The following ANKRD6 variants were observed in gnomAD, a reference collection of about 807,000 sequenced individuals.
ANKRD6 encodes ankyrin repeat domain-containing protein 6.
ANKRD6 carries 56 observed loss-of-function variants against 82.3 expected under a neutral mutation model. The observed-to-expected ratio is 0.68, with a 90% CI of 0.55 to 0.85. ANKRD6 has a LOEUF of 0.85. Among genes scored for constraint, ANKRD6 ranks in the 40% least tolerant of loss-of-function variants. The pLI is 0.00. For synonymous variants in ANKRD6, 347 were observed against 352.1 expected, an observed-to-expected ratio of 0.99 and a Z score of 0.16; for missense variants, 852 against 907.6, an observed-to-expected ratio of 0.94 and a Z score of 0.79.
At chr6:89,622,122 C>T (rs545120468) in intron 10 of ANKRD6, 96 bp downstream of exon 10, 412 of 1,087,984 alleles carry the variant, frequency 3.8e-4, no homozygotes, top group South Asian at 9.9e-4. Flanking sequence ...GGTGGCTGCC[C>T]GGCCCTCTCT....
chr6:89,567,905 T>C (rs150234919), intron 2 of ANKRD6, among the ~76,000 whole-genome samples: 55 of 152,278 alleles, frequency 3.6e-4, no homozygotes, highest in African/African-American at 1.3e-3. Flanking sequence ...CCTCCAGTCC[T>C]CCCCAGAAAG....
intron 1 of ANKRD6, among the ~76,000 whole-genome samples, chr6:89,443,934 C>T (rs112855270): frequency 1.4e-4 from 21 of 152,340 alleles, no homozygotes; most frequent in Admixed American, 7.8e-4. Flanking sequence ...TCTGCAGCTT[C>T]GCTTCCGAAT....
In ANKRD6 at chr6:89,629,157, C is replaced by G; in HGVS notation, c.1531C>G (p.Gln511Glu). The G allele has an allele frequency of 1.2e-6, 2 of 1,613,204 alleles. No individual in the cohort carries two copies. The highest frequency in any genetic ancestry group is 1.7e-6 in the Non-Finnish European group (2 of 1,179,688). Residue 511 changes from glutamine (Q) to glutamate (E), a missense_variant, in exon 15 of 16, where the codon CAG (glutamine) becomes GAG (glutamate). By Grantham distance (29) the Gln-to-Glu change is conservative. Transcript: ENST00000339746. ...AAAAACCTGGTGCATGTTAAAGATT[C>G]AGAATCTGGAGCAGAAGCTTTCTGG... ...ELKTWCMLKI[Q>E]NLEQKLSGDS...
chr6:89,495,190 G>A (rs1371959269), intron 1 of ANKRD6, among the ~76,000 whole-genome samples: 2 of 152,190 alleles, frequency 1.3e-5, no homozygotes, highest in Non-Finnish European at 2.9e-5. Flanking sequence ...CCAAGATTGT[G>A]CCACTGCACG....
chr6:89,542,722 G>A lies in ANKRD6; in HGVS notation c.-143-24112G>A, dbSNP rs892779762. Among the ~76,000 whole-genome samples the A allele has an allele frequency of 3.3e-5, 5 of 152,168 alleles. No individual in the cohort carries two copies. In the East Asian group the frequency reaches 7.7e-4, roughly 23 times the overall value. Reference sequence around the variant, plus strand: ...GTAGGACGTTGTCTTTTAACCTCAAGACTTTTGTCTCACTGTTTGGATCAG... The same window carrying A: ...GTAGGACGTTGTCTTTTAACCTCAAAACTTTTGTCTCACTGTTTGGATCAG... On this transcript the variant is annotated intron_variant, in intron 1 of 15. Coordinates refer to ENST00000339746, the MANE Select transcript of ANKRD6 (RefSeq NM_001242809.2).
At position 89,632,915 on chromosome 6, in the gene ANKRD6, G is replaced by A. The variant is rs1304509504; in HGVS notation, c.*1911G>A. On this transcript the variant is annotated 3_prime_UTR_variant, in exon 16 of 16. Coordinates refer to ENST00000339746, the MANE Select transcript of ANKRD6 (RefSeq NM_001242809.2). Reference sequence around the variant, plus strand: ...AGAAATTAAATCCTGAGTTCAGTAGGCTGTGTTCCAAGCAGGAATTATTTT... The same window carrying A: ...AGAAATTAAATCCTGAGTTCAGTAGACTGTGTTCCAAGCAGGAATTATTTT... The A allele has an allele frequency of 6.6e-6, 1 of 152,166 alleles. No homozygotes were observed. The highest frequency in any genetic ancestry group is 1.9e-4 in the East Asian group (1 of 5,192). The allele number at this position is 152,166 out of a possible 1,614,324, so 9.4% of individuals were successfully genotyped here. A position where few individuals can be genotyped will look rare whatever the true frequency, so the allele number is the denominator to read the frequency against.
chr6:89,553,168 G>A (rs1250315029), intron 1 of ANKRD6, among the ~76,000 whole-genome samples: 2 of 152,102 alleles, frequency 1.3e-5, no homozygotes, highest in African/African-American at 4.8e-5. Context: ...AGCATCAGAT[G>A]GATATCATTT....
intron 1 of ANKRD6, among the ~76,000 whole-genome samples, chr6:89,517,914 A>G (rs1350357580): frequency 6.6e-6 from 1 of 152,114 alleles, no homozygotes; most frequent in East Asian, 1.9e-4. Flanking sequence ...TTTTTTGGAT[A>G]TACACTTCTC....
At chr6:89,549,907 T>A (rs78118074) in intron 1 of ANKRD6, among the ~76,000 whole-genome samples, 11,179 of 148,486 alleles carry the variant, frequency 0.075, 532 homozygotes, top group Middle Eastern at 0.16. Context: ...GAGACCTGTG[T>A]CTCTTTAAAA....
At chr6:89,629,572 G>T in intron 15 of ANKRD6, 1 of 334,886 alleles carries the variant, frequency 3.0e-6, no homozygotes, top group Non-Finnish European at 5.8e-6. Flanking sequence ...TCCTCAGCAG[G>T]GCTCTTCCTC....
chr6:89,541,942 AAAT>A (rs1317558483), intron 1 of ANKRD6, among the ~76,000 whole-genome samples: 1 of 151,884 alleles, frequency 6.6e-6, no homozygotes, highest in African/African-American at 2.4e-5. Flanking sequence ...CACCTTCGAT[AAAT>A]AATGTGTATA....
At chr6:89,582,608 T>C in intron 2 of ANKRD6, among the ~76,000 whole-genome samples, 1 of 152,170 alleles carries the variant, frequency 6.6e-6, no homozygotes, top group South Asian at 2.1e-4. Flanking sequence ...ACTGTAACTT[T>C]GTACCCATTA....
Position 89,468,724 on chromosome 6 carries a change from C to A in ANKRD6, c.-144+35349C>A, listed in dbSNP as rs910973559. On this transcript the variant is annotated intron_variant, in intron 1 of 15. Coordinates refer to ENST00000339746, the MANE Select transcript of ANKRD6 (RefSeq NM_001242809.2). ...CTGCGGATAGCCCTTTTCTAGCTAA[C>A]CTTTTGTATTTCCCTGGCCCGTAAT... Among the ~76,000 whole-genome samples the A allele has an allele frequency of 3.9e-5, 6 of 151,944 alleles. No individual in the cohort carries two copies. In the East Asian group the frequency reaches 1.2e-3, roughly 29 times the overall value.
intron 15 of ANKRD6, among the ~76,000 whole-genome samples, chr6:89,629,831 TACC>T (rs1806955907): frequency 6.6e-6 from 1 of 152,216 alleles, no homozygotes; most frequent in Non-Finnish European, 1.5e-5. Flanking sequence ...TGCTTTGTGT[TACC>T]ACAGGCCATC....
intron 1 of ANKRD6, among the ~76,000 whole-genome samples, chr6:89,566,475 C>T (rs1211566381): frequency 6.6e-6 from 1 of 152,236 alleles, no homozygotes; most frequent in Non-Finnish European, 1.5e-5. Flanking sequence ...GATGATCACA[C>T]ACGGTACAGT....
At position 89,499,662 on chromosome 6, in the gene ANKRD6, A is replaced by G. The variant is rs114993248; in HGVS notation, c.-144+66287A>G. On this transcript the variant is annotated intron_variant, in intron 1 of 15. Coordinates refer to ENST00000339746, the MANE Select transcript of ANKRD6 (RefSeq NM_001242809.2). Reference sequence around the variant, plus strand: ...TACCACAAATGTTCCTGTTCACAATACCAGTTCATAATGCATGGTAAGAAA... The same window carrying G: ...TACCACAAATGTTCCTGTTCACAATGCCAGTTCATAATGCATGGTAAGAAA... 2.8e-3 allele frequency among the ~76,000 whole-genome samples: 422 copies of G among 152,196 alleles called. 2 individuals carry two copies. The highest frequency in any genetic ancestry group is 9.8e-3 in the African/African-American group (406 of 41,514).
Position 89,453,580 on chromosome 6 carries a change from A to G in ANKRD6, c.-144+20205A>G, listed in dbSNP as rs180957757. The stretch of plus-strand genomic sequence containing the variant: ...GCTTTCAATGTTGGGAAGTGCCTCC[A>G]ACAATTCCTTTTTTTTTGAGATGGA... On this transcript the variant is annotated intron_variant, in intron 1 of 15. Transcript: ENST00000339746. 2.1e-3 allele frequency among the ~76,000 whole-genome samples: 314 copies of G among 151,844 alleles called. 2 individuals carry two copies. The highest frequency in any genetic ancestry group is 6.2e-3 in the African/African-American group (258 of 41,478).
intron 1 of ANKRD6, among the ~76,000 whole-genome samples, chr6:89,459,076 A>G (rs1366029718): frequency 6.6e-6 from 1 of 151,920 alleles, no homozygotes; most frequent in Non-Finnish European, 1.5e-5. Flanking sequence ...TAAAATGAAT[A>G]TGTCTTTTTT....
intron 1 of ANKRD6, among the ~76,000 whole-genome samples, chr6:89,434,072 TC>T (rs1193733069): frequency 6.6e-6 from 1 of 152,072 alleles, no homozygotes; most frequent in Non-Finnish European, 1.5e-5. Flanking sequence ...CAAGAATGTT[TC>T]CCCCGCGAGG....
Sources: allele counts gnomAD v4.1 joint callset (sites outside exome capture counted in the v4.1 genomes callset), GRCh38; gene constraint gnomAD v4.1.1; transcripts MANE v1.5; gene names NCBI Gene and HGNC (gene_info 2026-07-23, HGNC 2026-07-21).